ITGA10: variants seen among roughly 807,000 people sequenced by gnomAD.
ITGA10 encodes the protein integrin subunit alpha 10.
In ITGA10, 105 loss-of-function variants were observed where a neutral mutation model predicts 145.2. That is an observed-to-expected ratio of 0.72 (90% CI 0.62 to 0.85). The LOEUF is 0.85. Among genes scored for constraint, ITGA10 ranks in the 40% least tolerant of loss-of-function variants. ITGA10 has a pLI of 0.00. For missense variants in ITGA10, 1,317 were observed against 1,444.5 expected (o/e 0.91, Z 1.43); for synonymous variants, 506 against 557.8 (o/e 0.91, Z 1.31).
In ITGA10 at chr1:145,901,551, C is replaced by A; in HGVS notation, c.1408G>T (p.Ala470Ser). 1.2e-6 allele frequency: 2 copies of A among 1,602,744 alleles called. No homozygotes were observed. The highest frequency in any genetic ancestry group is 8.5e-7 in the Non-Finnish European group (1 of 1,175,022). The change falls in exon 12 of 30, where the codon GCT becomes TCT. Residue 470 changes from alanine (A) to serine (S), a missense_variant. Ala to Ser is a moderately conservative substitution (Grantham distance 99). Transcript: ENST00000369304. This position sits in a 1 kb window ranked among gnomAD's most constrained non-coding sequence, Gnocchi z 4.3. ...TGGAGGCTCTGGGCAACCCTCACAG[C>A]CCCATCTTTCTTAAGCTGGAAGGCG... is the stretch of plus-strand genomic sequence containing the variant. ...VIAFQLKKDG[A>S]VRVAQSLQGE...
In ITGA10 at chr1:145,893,272, G is replaced by T. The variant is rs930238258; in HGVS notation, c.3327C>A (p.Ser1109Arg). ...GCCGGGTCTGAACCACCTCCAAGAG[G>T]CTCTGCGTGGACAGAAGAGTAGTTT... ...QLTEASRWSE[S>R]LLEVVQTRPI... Residue 1109 changes from serine to arginine, a missense_variant and splice_region_variant, in exon 29 of 30, where the codon AGC (serine) becomes AGA (arginine). Coordinates refer to ENST00000369304, the MANE Select transcript of ITGA10 (RefSeq NM_003637.5). 1.2e-6 allele frequency: 2 copies of T among 1,607,140 alleles called. No homozygotes were observed. Among genetic ancestry groups the T allele is most frequent in the Non-Finnish European group, 1.7e-6 (2 of 1,173,706 alleles).
rs1038495246 is a variant in ITGA10 at position 145,907,992 on chromosome 1, G to A, written c.53-527C>T. Among the ~76,000 whole-genome samples, 11 of 151,706 alleles carry A rather than the reference G, an allele frequency of 7.3e-5. No homozygotes were observed. The South Asian group carries it at 8.3e-4, about 12-fold the overall frequency. On this transcript the variant is annotated intron_variant, in intron 1 of 29. Coordinates refer to ENST00000369304, the MANE Select transcript of ITGA10 (RefSeq NM_003637.5). Reference sequence around the variant, plus strand: ...TCACCGTGTTAGCCAGGATGGTCTCGATCTCCTGACCTCATGATCCGCCCG... The same window carrying A: ...TCACCGTGTTAGCCAGGATGGTCTCAATCTCCTGACCTCATGATCCGCCCG...
In ITGA10 at chr1:145,907,393, C is replaced by A; in HGVS notation, c.125G>T (p.Gly42Val). The A allele has an allele frequency of 6.2e-7, 1 of 1,614,162 alleles. No individual in the cohort carries two copies. The highest frequency in any genetic ancestry group is 8.5e-7 in the Non-Finnish European group (1 of 1,180,046). ...LFPGPPEAEFGYSVLQHVGGG... is the reference protein window; with the variant it reads ...LFPGPPEAEFVYSVLQHVGGG... ...CCCAACATGTTGTAAGACACTGTAT[C>A]CAAATTCAGCTTCTGGTGGCCCTGG... Residue 42 changes from glycine (G) to valine (V), a missense_variant, in exon 2 of 30, where the codon GGA becomes GTA. Coordinates refer to ENST00000369304, the MANE Select transcript of ITGA10 (RefSeq NM_003637.5).
intron 5 of ITGA10, chr1:145,905,999 A>C: frequency 5.3e-6 from 1 of 189,294 alleles, no homozygotes; most frequent in Non-Finnish European, 1.1e-5. Flanking sequence ...GGCTCACCGC[A>C]ACCTCCACCT....
Position 145,901,568 on chromosome 1 carries a change from T to C in ITGA10, c.1391A>G (p.Gln464Arg). The change falls in exon 12 of 30, where the codon CAG (glutamine) becomes CGG (arginine). Residue 464 changes from glutamine to arginine, a missense_variant. Transcript: ENST00000369304. This position sits in a 1 kb window ranked among gnomAD's most constrained non-coding sequence, Gnocchi z 4.3. ...FRHRGKVIAF[Q>R]LKKDGAVRVA... ...CCTCACAGCCCCATCTTTCTTAAGC[T>C]GGAAGGCGATGACTTTTCCTCGATG... 1 of 1,606,526 alleles carries C rather than the reference T, an allele frequency of 6.2e-7. No homozygotes were observed. The highest frequency in any genetic ancestry group is 1.7e-5 in the Admixed American group (1 of 58,180).
At chr1:145,906,057 G>T (rs1657091181) in intron 5 of ITGA10, 1 of 262,630 alleles carries the variant, frequency 3.8e-6, no homozygotes, top group Non-Finnish European at 7.4e-6. Context: ...GAGTAGATGA[G>T]ATTACAGGCA....
chr1:145,906,986 C>G lies in ITGA10; in HGVS notation c.274+55G>C, dbSNP rs1553751344. The G allele has an allele frequency of 9.7e-6, 13 of 1,342,326 alleles. No homozygotes were observed. The East Asian group carries it at 3.1e-4, about 32-fold the overall frequency. 83.2% of individuals were successfully genotyped at this position (1,342,326 alleles called of 1,614,324 possible). ...AAAGCTGAGGTATAGGGAGTTGAAGCTTCTAGAGTATCAAAGTCAGGGGTT... is the reference window on the plus strand; with the variant it reads ...AAAGCTGAGGTATAGGGAGTTGAAGGTTCTAGAGTATCAAAGTCAGGGGTT... On this transcript the variant is annotated intron_variant, in intron 3 of 29. Transcript: ENST00000369304.
chr1:145,901,114 G>A lies in ITGA10; in HGVS notation c.1587+21C>T. ...ACCCCCACAATGCAAGTCCAGGGCA[G>A]GGGGTCCCAGCAAGTCTCACCTGGC... On this transcript the variant is annotated intron_variant, in intron 13 of 29. Coordinates refer to ENST00000369304, the MANE Select transcript of ITGA10 (RefSeq NM_003637.5). The surrounding 1 kb of genome is among the most constrained non-coding windows in gnomAD (Gnocchi z 4.3). 3.1e-6 allele frequency: 5 copies of A among 1,613,576 alleles called. No individual in the cohort carries two copies. The highest frequency in any genetic ancestry group is 4.2e-6 in the Non-Finnish European group (5 of 1,179,730).
intron 1 of ITGA10, among the ~76,000 whole-genome samples, chr1:145,908,793 G>A (rs1057030240): frequency 3.3e-5 from 5 of 152,150 alleles, no homozygotes; most frequent in African/African-American, 1.2e-4. Context: ...AAAACTGGCA[G>A]GGCTGTATGA....
rs781977569 is a variant in ITGA10, at chr1:145,893,564, C to T, written c.3300G>A (p.Leu1100=). 10 of 1,612,372 alleles carry T rather than the reference C, an allele frequency of 6.2e-6. No homozygotes were observed. In the South Asian group the frequency reaches 8.8e-5, roughly 14 times the overall value. ...CCTCACTCCAACGGGAGGCTTCAGT[C>T]AGCTGTAGGACACTGCCCTCTTCGG... ...LGTEEGSVLQ[L]TEASRWSESL... is the part of the protein sequence containing the mutation. The change falls in exon 28 of 30, where the codon CTG becomes CTA. Residue 1100 remains leucine (L), a synonymous_variant. Transcript: ENST00000369304.
chr1:145,901,155 A>T lies in ITGA10; in HGVS notation c.1567T>A (p.Tyr523Asn), dbSNP rs782667350. 1 of 1,614,076 alleles carries T rather than the reference A, an allele frequency of 6.2e-7. No homozygotes were observed. The highest frequency in any genetic ancestry group is 8.5e-7 in the Non-Finnish European group (1 of 1,179,994). The change falls in exon 13 of 30, where the codon TAT (tyrosine) becomes AAT (asparagine). Residue 523 changes from tyrosine to asparagine, a missense_variant. Coordinates refer to ENST00000369304, the MANE Select transcript of ITGA10 (RefSeq NM_003637.5). The surrounding 1 kb of genome is among the most constrained non-coding windows in gnomAD (Gnocchi z 4.3). ...CTCACCTGGCCTACCAGATACACAT[A>T]AACACGTCCTGTTTCCTTGTTCTGG... ...GPQNKETGRV[Y>N]VYLVGQQSLL...
Position 145,901,864 on chromosome 1 carries a change from C to G in ITGA10, c.1294+13G>C. On this transcript the variant is annotated intron_variant, in intron 11 of 29. Transcript: ENST00000369304. This position sits in a 1 kb window ranked among gnomAD's most constrained non-coding sequence, Gnocchi z 4.3. ...CCTACCCTGTAAGTCCTCTGCAACT[C>G]TCTGCTGCTCACCCAGGTAGGCTGC... 6.2e-7 allele frequency: 1 copy of G among 1,614,040 alleles called. No individual in the cohort carries two copies. Among genetic ancestry groups the G allele is most frequent in the Non-Finnish European group, 8.5e-7 (1 of 1,179,964 alleles).
At chr1:145,898,454 T>C (rs1655758681) in intron 17 of ITGA10, among the ~76,000 whole-genome samples, 1 of 152,068 alleles carries the variant, frequency 6.6e-6, no homozygotes, top group South Asian at 2.1e-4. Flanking sequence ...CTGCAAGCTC[T>C]GCCTCCTGGG....
In ITGA10 at chr1:145,900,040, G is replaced by C. The variant is rs1553747377; in HGVS notation, c.1922+17C>G. The C allele has an allele frequency of 1.2e-6, 2 of 1,609,046 alleles. No homozygotes were observed. The highest frequency in any genetic ancestry group is 1.1e-5 in the South Asian group (1 of 90,322). Reference sequence around the variant, plus strand: ...TATGCTATGCTGTCCACCACCACCTGAGCTGGGACCCCTCACCTGAGCAGG... The same window carrying C: ...TATGCTATGCTGTCCACCACCACCTCAGCTGGGACCCCTCACCTGAGCAGG... On this transcript the variant is annotated intron_variant, in intron 15 of 29. Coordinates refer to ENST00000369304, the MANE Select transcript of ITGA10 (RefSeq NM_003637.5).
chr1:145,896,141 C>T lies in ITGA10; in HGVS notation c.2920-45G>A, dbSNP rs372168193. On this transcript the variant is annotated intron_variant, in intron 24 of 29. Coordinates refer to ENST00000369304, the MANE Select transcript of ITGA10 (RefSeq NM_003637.5). The stretch of plus-strand genomic sequence containing the variant: ...TAGGAAGAAGTGGGAGACAGAAGAC[C>T]CTTCCTCATTTGTTCCCCTTCACCC... 3.2e-6 allele frequency: 5 copies of T among 1,544,608 alleles called. No homozygotes were observed. In the African/African-American group the frequency reaches 6.8e-5, roughly 21 times the overall value.
chr1:145,892,891 C>G, intron 29 of ITGA10, 28 bp from the exon 30 acceptor site: 1 of 1,585,318 alleles, frequency 6.3e-7, no homozygotes, highest in Non-Finnish European at 8.7e-7. Flanking sequence ...AGCGTCACTG[C>G]CAAATGCCTA....
chr1:145,901,800 G>T lies in ITGA10; in HGVS notation c.1294+77C>A. The T allele has an allele frequency of 6.3e-7, 1 of 1,589,482 alleles. No homozygotes were observed. Among genetic ancestry groups the T allele is most frequent in the African/African-American group, 1.3e-5 (1 of 74,670 alleles). On this transcript the variant is annotated intron_variant, in intron 11 of 29. Coordinates refer to ENST00000369304, the MANE Select transcript of ITGA10 (RefSeq NM_003637.5). The surrounding 1 kb of genome is among the most constrained non-coding windows in gnomAD (Gnocchi z 4.3). ...GAGAAACCGCATGAGTTAAGAGGGAGTATTTCATACCCGCCCCCACTAGGG... is the reference window on the plus strand; with the variant it reads ...GAGAAACCGCATGAGTTAAGAGGGATTATTTCATACCCGCCCCCACTAGGG...
At position 145,906,814 on chromosome 1, in the gene ITGA10, T is replaced by A; in HGVS notation, c.285A>T (p.Gln95His). 1 of 1,612,376 alleles carries A rather than the reference T, an allele frequency of 6.2e-7. No homozygotes were observed. The highest frequency in any genetic ancestry group is 8.5e-7 in the Non-Finnish European group (1 of 1,178,496). Reference protein sequence around the residue: ...PCAKGHLGDYQLGNSSHPAVN... With the variant: ...PCAKGHLGDYHLGNSSHPAVN... ...CAGCAGGATGAGATGAATTTCCCAG[T>A]TGGTAGTCACCTGGTTGGAAGGAGG... The change falls in exon 4 of 30, where the codon CAA becomes CAT. Residue 95 changes from glutamine (Q) to histidine (H), a missense_variant. Coordinates refer to ENST00000369304, the MANE Select transcript of ITGA10 (RefSeq NM_003637.5).
Position 145,901,117 on chromosome 1 carries a change from G to T in ITGA10, c.1587+18C>A, listed in dbSNP as rs782636073. On this transcript the variant is annotated intron_variant, in intron 13 of 29. Transcript: ENST00000369304. This position sits in a 1 kb window ranked among gnomAD's most constrained non-coding sequence, Gnocchi z 4.3. ...CCCACAATGCAAGTCCAGGGCAGGG[G>T]GTCCCAGCAAGTCTCACCTGGCCTA... 5 of 1,613,664 alleles carry T rather than the reference G, an allele frequency of 3.1e-6. No homozygotes were observed. The highest frequency in any genetic ancestry group is 4.5e-5 in the East Asian group (2 of 44,868).
Sources: allele counts gnomAD v4.1 joint callset (sites outside exome capture counted in the v4.1 genomes callset), GRCh38; gene constraint gnomAD v4.1.1; non-coding constraint Gnocchi (gnomAD v3.1); transcripts MANE v1.5; gene names NCBI Gene and HGNC (gene_info 2026-07-23, HGNC 2026-07-21).